PNISR: variants seen among roughly 807,000 people sequenced by gnomAD.
PNISR encodes the protein PNN interacting serine and arginine rich protein, also known as arginine/serine-rich protein PNISR.
Under a neutral mutation model 93.4 loss-of-function variants are expected in PNISR, and 20 were observed. The ratio of observed to expected loss-of-function variants is 0.21; its 90% CI spans 0.15 to 0.31. PNISR has a LOEUF of 0.31. PNISR is among the 10% of genes least tolerant of loss of function. The pLI, the probability that PNISR is intolerant of heterozygous loss-of-function variation, is 1.00. For missense variants in PNISR, 893 were observed against 985.4 expected (o/e 0.91, Z 1.25); for synonymous variants, 305 against 306.5 (o/e 0.99, Z 0.05).
intron 11 of PNISR, 90 bp from the exon 12 acceptor site, chr6:99,401,720 A>G (rs1162255185): frequency 2.0e-6 from 2 of 984,402 alleles, no homozygotes; most frequent in African/African-American, 3.3e-5. Flanking sequence ...GTAACAATAG[A>G]ACACCATTTT....
intron 9 of PNISR, chr6:99,404,313 A>G (rs1775867798): frequency 2.3e-6 from 1 of 428,842 alleles, no homozygotes; most frequent in Admixed American, 3.9e-5. Context: ...ATGCCATGTT[A>G]TCTATTAAAA....
chr6:99,412,063 CA>C (rs1304579137), intron 4 of PNISR: 1 of 305,272 alleles, frequency 3.3e-6, no homozygotes, highest in Non-Finnish European at 6.5e-6. Flanking sequence ...GTAAAACACA[CA>C]AAAACTTATG....
chr6:99,410,499 A>T, intron 5 of PNISR: 1 of 486,008 alleles, frequency 2.1e-6, no homozygotes, highest in Non-Finnish European at 3.7e-6. Context: ...GCACTTATAC[A>T]TTTTTAATTT....
At position 99,414,709 on chromosome 6, in the gene PNISR, A is replaced by C; in HGVS notation, c.-31-19T>G. ...TTTCTATCTTCAATAAATTAAACAT[A>C]GTTTAAAAATTATAGTGAGTTATTT... On this transcript the variant is annotated intron_variant, in intron 2 of 11. Transcript: ENST00000369239. The C allele has an allele frequency of 8.8e-7, 1 of 1,140,518 alleles. No individual in the cohort carries two copies. The highest frequency in any genetic ancestry group is 1.3e-6 in the Non-Finnish European group (1 of 780,522). 70.6% of individuals were successfully genotyped at this position (1,140,518 alleles called of 1,614,324 possible).
At position 99,409,266 on chromosome 6, in the gene PNISR, G is replaced by A; in HGVS notation, c.580C>T (p.Pro194Ser). ...GGCCTTTCTCTTCGATTCTGGGGAG[G>A]TGCTGGAGGTCCTGGAGGTCCTGGT... ...WQPGPPGPPA[P>S]PQNRRERPSS... is the part of the protein sequence containing the mutation. The change falls in exon 6 of 12, where the codon CCT becomes TCT. Residue 194 changes from proline (P) to serine (S), a missense_variant. Pro to Ser is a moderately conservative substitution (Grantham distance 74). Around this residue, in one of 3 missense-constraint regions of PNISR, gnomAD observed 866 missense variants for 935.1 expected, o/e 0.93. Transcript: ENST00000369239. The A allele has an allele frequency of 6.2e-7, 1 of 1,613,978 alleles. No homozygotes were observed. Among genetic ancestry groups the A allele is most frequent in the Non-Finnish European group, 8.5e-7 (1 of 1,179,910 alleles).
At chr6:99,411,119 T>G in intron 4 of PNISR, 155 bp from the exon 5 acceptor site, 1 of 617,012 alleles carries the variant, frequency 1.6e-6, no homozygotes, top group East Asian at 2.7e-5. Context: ...ATCTTAAAAA[T>G]AAGCAATGAA....
chr6:99,406,066 G>C lies in PNISR; in HGVS notation c.967C>G (p.Pro323Ala), dbSNP rs1186830246. 1.2e-6 allele frequency: 2 copies of C among 1,610,952 alleles called. No homozygotes were observed. The highest frequency in any genetic ancestry group is 2.7e-5 in the African/African-American group (2 of 74,726). ...TCTTTCTCCTCTTCAGTCATCTCAG[G>C]GTCACTGTGCTCTTCTTGAGGAACT... ...SPVPQEEHSD[P>A]EMTEEEKEYQ... Residue 323 changes from proline (P) to alanine (A), a missense_variant, in exon 8 of 12, where the codon CCT (proline) becomes GCT (alanine). Coordinates refer to ENST00000369239, the MANE Select transcript of PNISR (RefSeq NM_032870.4).
intron 1 of PNISR, among the ~76,000 whole-genome samples, chr6:99,417,529 A>G (rs1346393619): frequency 6.6e-6 from 1 of 152,202 alleles, no homozygotes; most frequent in Non-Finnish European, 1.5e-5. Context: ...ACCCCAAAGG[A>G]TTATTGTGAG....
intron 3 of PNISR, 98 bp from the exon 4 acceptor site, chr6:99,412,837 T>A: frequency 1.3e-6 from 1 of 758,600 alleles, no homozygotes; most frequent in Non-Finnish European, 2.0e-6. Context: ...CCTTAGATCT[T>A]AAATATTTCA....
intron 1 of PNISR, among the ~76,000 whole-genome samples, chr6:99,418,740 G>C (rs1173030841): frequency 6.6e-6 from 1 of 152,206 alleles, no homozygotes; most frequent in Non-Finnish European, 1.5e-5. Flanking sequence ...GGAAGTTAGA[G>C]GCTATTTATT....
In PNISR at chr6:99,401,593, C is replaced by A. The variant is rs201446757; in HGVS notation, c.1365G>T (p.Met455Ile). The change falls in exon 12 of 12, where the codon ATG becomes ATT. Residue 455 changes from methionine (M) to isoleucine (I), a missense_variant. Physicochemically the swap from Met to Ile is conservative, Grantham distance 10. Around this residue, in one of 3 missense-constraint regions of PNISR, gnomAD observed 866 missense variants for 935.1 expected, o/e 0.93. Transcript: ENST00000369239. ...KQQTERVTKE[M>I]NEFIHKEQNS... ...TTTGCTCTTTATGGATAAATTCATTCATCTCTTTTGTAACCCTTTCTGTTT... is the reference window on the plus strand; with the variant it reads ...TTTGCTCTTTATGGATAAATTCATTAATCTCTTTTGTAACCCTTTCTGTTT... 1.2e-4 allele frequency: 187 copies of A among 1,569,406 alleles called. No homozygotes were observed. The Middle Eastern group carries it at 4.3e-3, about 36-fold the overall frequency.
Position 99,410,887 on chromosome 6 carries a change from T to C in PNISR, c.355A>G (p.Ile119Val). 6.2e-7 allele frequency: 1 copy of C among 1,614,076 alleles called. No individual in the cohort carries two copies. Residue 119 changes from isoleucine to valine, a missense_variant, in exon 5 of 12, where the codon ATT (isoleucine) becomes GTT (valine). This residue lies in a region of PNISR where 866 missense variants were observed against 935.1 expected (regional missense o/e 0.93). Transcript: ENST00000369239. ...TTGCTGTCTTCAGAAGGAGGAACAA[T>C]GTCCATTGGGCCTGGTGTTGGTGGC... ...WMPPTPGPMD[I>V]VPPSEDSNSQ... is the part of the protein sequence containing the mutation.
At chr6:99,405,765 C>T (rs543726704) in intron 8 of PNISR, among the ~76,000 whole-genome samples, 2 of 152,130 alleles carry the variant, frequency 1.3e-5, no homozygotes, top group South Asian at 4.1e-4. Context: ...CTGCAGTGCC[C>T]AGGTTGGTCT....
chr6:99,412,515 A>G (rs1479927612), intron 4 of PNISR, 36 bp downstream of exon 4: 2 of 1,422,388 alleles, frequency 1.4e-6, no homozygotes, highest in Admixed American at 2.0e-5. Context: ...TCTGTTTTTT[A>G]AAAGTCTTAA....
In PNISR at chr6:99,402,618, G is replaced by A. The variant is rs1049505242; in HGVS notation, c.1249C>T (p.His417Tyr). The change falls in exon 11 of 12, where the codon CAT becomes TAT. Residue 417 changes from histidine (H) to tyrosine (Y), a missense_variant. His to Tyr is a moderately conservative substitution (Grantham distance 83). Transcript: ENST00000369239. ...GCTTCCTGTTTTTGCCGGATTCGAT[G>A]CCGTAATTCTTCATCATCAGTGTCA... is the stretch of plus-strand genomic sequence containing the variant. ...SSDTDDEELR[H>Y]RIRQKQEAFW... 1.2e-6 allele frequency: 2 copies of A among 1,613,432 alleles called. No homozygotes were observed. Among genetic ancestry groups the A allele is most frequent in the African/African-American group, 2.7e-5 (2 of 74,858 alleles).
At chr6:99,408,876 T>C (rs1386444592) in intron 6 of PNISR, among the ~76,000 whole-genome samples, 4 of 152,216 alleles carry the variant, frequency 2.6e-5, no homozygotes, top group African/African-American at 9.6e-5. Context: ...CATATATCTG[T>C]ATAATGTACT....
intron 1 of PNISR, chr6:99,424,940 A>T (rs1423854384): frequency 3.3e-6 from 1 of 305,726 alleles, no homozygotes; most frequent in African/African-American, 2.2e-5. Context: ...GCCGGTCAGG[A>T]ACCCAACAAT....
intron 3 of PNISR, among the ~76,000 whole-genome samples, chr6:99,413,700 T>C (rs948105836): frequency 1.3e-5 from 2 of 152,182 alleles, no homozygotes; most frequent in Non-Finnish European, 2.9e-5. Flanking sequence ...CACCCAAAAA[T>C]GCATTAAGAT....
chr6:99,403,740 T>TA, intron 10 of PNISR, 89 bp downstream of exon 10: 1 of 931,820 alleles, frequency 1.1e-6, no homozygotes, highest in Non-Finnish European at 1.7e-6. Flanking sequence ...TGAGTAGGAC[T>TA]AATACAGTTT....
Sources: allele counts gnomAD v4.1 joint callset (sites outside exome capture counted in the v4.1 genomes callset), GRCh38; gene constraint gnomAD v4.1.1; regional missense constraint gnomAD v4.1.1; transcripts MANE v1.5; gene names NCBI Gene and HGNC (gene_info 2026-07-23, HGNC 2026-07-21).